Variants in HIVEP2 observed in about 807,000 individuals in gnomAD.
HIVEP2 encodes the protein HIVEP zinc finger 2, also known as transcription factor HIVEP2.
HIVEP2 carries 14 observed loss-of-function variants against 180.7 expected under a neutral mutation model. That is an observed-to-expected ratio of 0.08 (90% CI 0.05 to 0.12). HIVEP2 has a LOEUF of 0.12. HIVEP2 is among the 10% of genes least tolerant of loss of function. The pLI is 1.00. For missense variants in HIVEP2, 2,579 were observed against 3,008.5 expected (o/e 0.86, Z 3.34); for synonymous variants, 1,184 against 1,136.4 (o/e 1.04, Z -0.84).
chr6:142,753,584 G>A lies in HIVEP2; in HGVS notation c.6864C>T (p.His2288=), dbSNP rs374372846. ...TAGGTGGACCAGATGACTGCAAAGC[G>A]TGAGGACCTCGCTTCTCATGCTGCT... ...LSKQHEKRGP[H]ALQSSGPPST... The change falls in exon 10 of 10, where the codon CAC becomes CAT. Residue 2288 remains histidine (H), a synonymous_variant. Transcript: ENST00000367603. The A allele has an allele frequency of 9.4e-5, 151 of 1,613,936 alleles. No individual in the cohort carries two copies. The highest frequency in any genetic ancestry group is 1.2e-4 in the Non-Finnish European group (140 of 1,179,946).
chr6:142,831,806 A>G (rs886165916), intron 2 of HIVEP2, among the ~76,000 whole-genome samples: 113 of 152,300 alleles, frequency 7.4e-4, no homozygotes, highest in African/African-American at 2.5e-3. Flanking sequence ...TGGATATTTA[A>G]TAGGTATCAG....
intron 1 of HIVEP2, among the ~76,000 whole-genome samples, chr6:142,858,369 T>C (rs923614641): frequency 6.6e-6 from 1 of 151,322 alleles, no homozygotes; most frequent in Admixed American, 6.6e-5. Flanking sequence ...CAGGCATGAG[T>C]GCTGGGCAGG....
chr6:142,900,728 T>C (rs562658416), intron 1 of HIVEP2, among the ~76,000 whole-genome samples: 1 of 152,300 alleles, frequency 6.6e-6, no homozygotes, highest in East Asian at 1.9e-4. Flanking sequence ...GGCTGGATCA[T>C]GTAAAAGACC....
chr6:142,787,334 C>T (rs1271090168), intron 2 of HIVEP2, among the ~76,000 whole-genome samples: 1 of 151,850 alleles, frequency 6.6e-6, no homozygotes, highest in African/African-American at 2.4e-5. Context: ...AAACTGGAAA[C>T]AAGATATGAT....
In HIVEP2 at chr6:142,770,009, T is replaced by C; in HGVS notation, c.4730A>G (p.Asp1577Gly). The C allele has an allele frequency of 6.2e-7, 1 of 1,614,160 alleles. No homozygotes were observed. The highest frequency in any genetic ancestry group is 8.5e-7 in the Non-Finnish European group (1 of 1,180,034). Residue 1577 changes from aspartate to glycine, a missense_variant, in exon 5 of 10, where the codon GAC (aspartate) becomes GGC (glycine). Coordinates refer to ENST00000367603, the MANE Select transcript of HIVEP2 (RefSeq NM_006734.4). The surrounding 1 kb of genome is among the most constrained non-coding windows in gnomAD (Gnocchi z 4.7). The stretch of plus-strand genomic sequence containing the variant: ...AGAACTCTGTGGGCTCATGCTCATG[T>C]CCGATGCCGTCTCATCGATATCTAA... The part of the protein sequence containing the change: ...DELDIDETAS[D>G]MSMSPQSSSL...
At chr6:142,867,705 A>C (rs1562271722) in intron 1 of HIVEP2, among the ~76,000 whole-genome samples, 1 of 152,324 alleles carries the variant, frequency 6.6e-6, no homozygotes. Context: ...GATATGTGCT[A>C]AAAGAATTTG....
intron 9 of HIVEP2, among the ~76,000 whole-genome samples, chr6:142,755,423 C>A (rs919543740): frequency 6.6e-6 from 1 of 152,200 alleles, no homozygotes; most frequent in Non-Finnish European, 1.5e-5. Context: ...ACCTGTAATG[C>A]CTACAGTAAC....
chr6:142,883,205 G>A (rs1032773800), intron 1 of HIVEP2, among the ~76,000 whole-genome samples: 6 of 151,970 alleles, frequency 3.9e-5, no homozygotes, highest in African/African-American at 2.4e-5. Context: ...GAGAAAGGGG[G>A]GAAAAGCTTT....
intron 2 of HIVEP2, among the ~76,000 whole-genome samples, chr6:142,831,130 T>A (rs1582897063): frequency 6.6e-6 from 1 of 151,898 alleles, no homozygotes; most frequent in Non-Finnish European, 1.5e-5. Context: ...CGTGGAAGGG[T>A]CGAGGGTCCT....
At chr6:142,778,819 T>C (rs1280610028) in intron 3 of HIVEP2, among the ~76,000 whole-genome samples, 2 of 152,172 alleles carry the variant, frequency 1.3e-5, no homozygotes, top group Non-Finnish European at 2.9e-5. Flanking sequence ...TTATTACAAC[T>C]TAAAATAATA....
intron 2 of HIVEP2, among the ~76,000 whole-genome samples, chr6:142,823,011 A>C (rs1453169316): frequency 6.6e-6 from 1 of 152,228 alleles, no homozygotes; most frequent in East Asian, 1.9e-4. Flanking sequence ...AAGTATATCT[A>C]GGATTCCAGC....
At chr6:142,776,998 T>C (rs1453111350) in intron 3 of HIVEP2, among the ~76,000 whole-genome samples, 1 of 152,224 alleles carries the variant, frequency 6.6e-6, no homozygotes, top group Non-Finnish European at 1.5e-5. Flanking sequence ...TTTAAGTGAA[T>C]ACTCAACTTC....
At chr6:142,931,496 G>A (rs1382678099) in intron 1 of HIVEP2, among the ~76,000 whole-genome samples, 1 of 152,040 alleles carries the variant, frequency 6.6e-6, no homozygotes, top group Non-Finnish European at 1.5e-5. Context: ...GGTAGAAAAG[G>A]TATGTGTAAC....
intron 2 of HIVEP2, among the ~76,000 whole-genome samples, chr6:142,824,866 CCA>C (rs1774834507): frequency 6.6e-6 from 1 of 151,882 alleles, no homozygotes; most frequent in African/African-American, 2.4e-5. Flanking sequence ...CCAATAAAGT[CCA>C]TACATTTATA....
rs368426840 is a variant in HIVEP2, at chr6:142,764,761, G to T, written c.5518+38C>A. On this transcript the variant is annotated intron_variant, in intron 7 of 9. Coordinates refer to ENST00000367603, the MANE Select transcript of HIVEP2 (RefSeq NM_006734.4). ...GCACTCAGAAATCTAAGTAGCCATA[G>T]AGAAGTATTTTTCCTCTCAAAAAAA... 23 of 1,496,414 alleles carry T rather than the reference G, an allele frequency of 1.5e-5. No individual in the cohort carries two copies. In the African/African-American group the frequency reaches 2.9e-4, roughly 19 times the overall value. The allele number at this position is 1,496,414 out of a possible 1,614,324, so 92.7% of individuals were successfully genotyped here.
At chr6:142,815,215 G>T (rs930630058) in intron 2 of HIVEP2, among the ~76,000 whole-genome samples, 4 of 152,120 alleles carry the variant, frequency 2.6e-5, no homozygotes, top group Non-Finnish European at 5.9e-5. Context: ...TCCAATACTT[G>T]CTCTTTGGGG....
chr6:142,774,784 A>G lies in HIVEP2; in HGVS notation c.-46T>C. The G allele has an allele frequency of 2.5e-6, 4 of 1,578,336 alleles. No individual in the cohort carries two copies. The highest frequency in any genetic ancestry group is 3.4e-6 in the Non-Finnish European group (4 of 1,162,632). Reference sequence around the variant, plus strand: ...GTGCTAGTTCCCCTGAAAGCAGTGCAGACTCATGGAGTGTCTCCAAAGCTG... The same window carrying G: ...GTGCTAGTTCCCCTGAAAGCAGTGCGGACTCATGGAGTGTCTCCAAAGCTG... On this transcript the variant is annotated 5_prime_UTR_variant, in exon 5 of 10. Coordinates refer to ENST00000367603, the MANE Select transcript of HIVEP2 (RefSeq NM_006734.4). The surrounding 1 kb of genome is among the most constrained non-coding windows in gnomAD (Gnocchi z 5.1).
intron 2 of HIVEP2, among the ~76,000 whole-genome samples, chr6:142,804,228 C>T (rs573379836): frequency 3.0e-4 from 46 of 152,234 alleles, no homozygotes; most frequent in Non-Finnish European, 5.7e-4. Flanking sequence ...GAATACTATA[C>T]GTAGTTGTGG....
intron 1 of HIVEP2, among the ~76,000 whole-genome samples, chr6:142,860,779 A>G (rs537606407): frequency 6.6e-6 from 1 of 152,194 alleles, no homozygotes; most frequent in African/African-American, 2.4e-5. Context: ...CTAACAGCCA[A>G]CAGACCACTA....
Sources: gnomAD v4.1 joint callset for allele counts (sites outside exome capture counted in the v4.1 genomes callset) on GRCh38, gnomAD v4.1.1 for gene constraint, Gnocchi (gnomAD v3.1) non-coding constraint, MANE v1.5 for transcripts, NCBI Gene and HGNC (gene_info 2026-07-23, HGNC 2026-07-21) for gene names.